GLRX3: variants seen among roughly 807,000 people sequenced by gnomAD.
The protein encoded by GLRX3 is glutaredoxin 3.
A neutral mutation model predicts 49.5 loss-of-function variants in GLRX3; 22 were observed. The observed-to-expected ratio is 0.44, with a 90% CI of 0.32 to 0.63. The LOEUF (loss-of-function observed/expected upper bound fraction) is 0.63. Among genes scored for constraint, GLRX3 ranks in the 30% least tolerant of loss-of-function variants. GLRX3 has a pLI of 0.05. For synonymous variants in GLRX3, 133 were observed against 140.0 expected (o/e 0.95, Z 0.35); for missense variants, 385 against 396.3 (o/e 0.97, Z 0.24).
intron 1 of GLRX3, among the ~76,000 whole-genome samples, chr10:130,144,465 C>G (rs984119789): frequency 6.6e-6 from 1 of 152,160 alleles, no homozygotes; most frequent in South Asian, 2.1e-4. Flanking sequence ...CCTTGCCCCC[C>G]ACCCCCTGAC....
intron 1 of GLRX3, among the ~76,000 whole-genome samples, chr10:130,143,290 T>G (rs183345419): frequency 1.3e-5 from 2 of 152,354 alleles, no homozygotes; most frequent in South Asian, 2.1e-4. Flanking sequence ...CAGTTTGTTA[T>G]TCCTTTCCTT....
At chr10:130,136,724 A>T (rs1050952772) in intron 1 of GLRX3, among the ~76,000 whole-genome samples, 8 of 152,152 alleles carry the variant, frequency 5.3e-5, no homozygotes, top group Admixed American at 2.0e-4. Context: ...AACAGCGAGC[A>T]GGGCGCGAGG....
At chr10:130,147,179 T>G (rs1862285919) in intron 2 of GLRX3, among the ~76,000 whole-genome samples, 1 of 152,194 alleles carries the variant, frequency 6.6e-6, no homozygotes, top group Admixed American at 6.5e-5. Context: ...ATGTCCAATA[T>G]AAATAATAGA....
chr10:130,153,175 A>C (rs1862412194), intron 2 of GLRX3, among the ~76,000 whole-genome samples: 1 of 152,022 alleles, frequency 6.6e-6, no homozygotes, highest in South Asian at 2.1e-4. Context: ...GCTCTTCTCT[A>C]CATTGATTAG....
intron 2 of GLRX3, 37 bp from the exon 3 acceptor site, chr10:130,159,958 C>A: frequency 7.2e-7 from 1 of 1,388,626 alleles, no homozygotes; most frequent in Non-Finnish European, 1.0e-6. Context: ...GAAAAAGGAC[C>A]TTGTAATAAT....
intron 6 of GLRX3, among the ~76,000 whole-genome samples, chr10:130,168,706 C>G (rs1187626096): frequency 6.6e-6 from 1 of 152,184 alleles, no homozygotes; most frequent in African/African-American, 2.4e-5. Flanking sequence ...CTCAGCCTCC[C>G]AAAGTGCTGG....
At chr10:130,159,760 T>C in intron 2 of GLRX3, 1 of 1,247,120 alleles carries the variant, frequency 8.0e-7, no homozygotes, top group Non-Finnish European at 1.0e-6. Context: ...CAGGCATCTT[T>C]TGAAATGTGC....
intron 10 of GLRX3, 35 bp downstream of exon 10, chr10:130,175,124 A>G (rs1862890640): frequency 5.0e-6 from 6 of 1,193,412 alleles, no homozygotes; most frequent in Non-Finnish European, 7.5e-6. Context: ...TAAAGAACGG[A>G]AAAGATTTTG....
intron 1 of GLRX3, among the ~76,000 whole-genome samples, chr10:130,140,537 T>TATAA (rs1051276850): frequency 1.3e-5 from 2 of 152,258 alleles, no homozygotes; most frequent in African/African-American, 4.8e-5. Flanking sequence ...AAATGTTTTA[T>TATAA]ATTTTTGTTT....
chr10:130,180,109 T>TG (rs1862996188), downstream of GLRX3: 1 of 151,830 alleles, frequency 6.6e-6, no homozygotes, highest in Non-Finnish European at 1.5e-5. Context: ...TTTTTTTTTT[T>TG]CAGACGGGGT....
At chr10:130,180,226 G>A (rs1335094494), downstream of GLRX3, 1 of 151,954 alleles carries the variant, frequency 6.6e-6, no homozygotes, top group Non-Finnish European at 1.5e-5. Flanking sequence ...TGAGTAGCTG[G>A]GACCACAGGC....
rs59275416 is a variant in GLRX3, at chr10:130,149,934, T to TA, written c.201+4634dup. Among the ~76,000 whole-genome samples the TA allele has an allele frequency of 6.5e-3, 860 of 132,130 alleles. 12 individuals carry two copies. The highest frequency in any genetic ancestry group is 0.046 in the East Asian group (212 of 4,602). 86.7% of individuals were successfully genotyped at this position (132,130 alleles called of 152,430 possible). On this transcript the variant is annotated intron_variant, in intron 2 of 10. Transcript: ENST00000331244. ...CTTTACCTCATCAGGTTTTCATTAG[T>TA]AAAAAAAAAAAAAAAAAAATAGGGC...
intron 1 of GLRX3, among the ~76,000 whole-genome samples, chr10:130,144,599 G>T (rs935735298): frequency 6.6e-6 from 1 of 152,018 alleles, no homozygotes; most frequent in Non-Finnish European, 1.5e-5. Context: ...GAGAATGGTG[G>T]CTTCCAGCTT....
chr10:130,151,850 C>T (rs2134887184), intron 2 of GLRX3, among the ~76,000 whole-genome samples: 1 of 152,234 alleles, frequency 6.6e-6, no homozygotes, highest in East Asian at 1.9e-4. Flanking sequence ...CTTGGTAGAT[C>T]TTCCTCCATC....
chr10:130,156,682 C>G (rs182713296), intron 2 of GLRX3, among the ~76,000 whole-genome samples: 105 of 152,248 alleles, frequency 6.9e-4, no homozygotes, highest in African/African-American at 2.4e-3. Context: ...ATCCGATGAC[C>G]CCTGCTCAAT....
chr10:130,136,646 C>T (rs1862058066), intron 1 of GLRX3, 134 bp downstream of exon 1: 3 of 1,089,584 alleles, frequency 2.8e-6, no homozygotes, highest in Non-Finnish European at 3.5e-6. Context: ...GGGACCGGGC[C>T]CGGCGCCACC....
Position 130,139,335 on chromosome 10 carries a change from G to A in GLRX3, c.92+2823G>A, listed in dbSNP as rs1433837605. Among the ~76,000 whole-genome samples, 12 of 150,398 alleles carry A rather than the reference G, an allele frequency of 8.0e-5. No individual in the cohort carries two copies. In the East Asian group the frequency reaches 2.4e-3, roughly 30 times the overall value. ...ACATTTCTGCAGCTTTTTTGGTGAAGATGGAGACATTTAAGAATATTAGGC... is the reference window on the plus strand; with the variant it reads ...ACATTTCTGCAGCTTTTTTGGTGAAAATGGAGACATTTAAGAATATTAGGC... On this transcript the variant is annotated intron_variant, in intron 1 of 10. Transcript: ENST00000331244.
At chr10:130,144,286 C>CTTTTTTTTT (rs111691897) in intron 1 of GLRX3, among the ~76,000 whole-genome samples, 1 of 116,238 alleles carries the variant, frequency 8.6e-6, no homozygotes, top group African/African-American at 3.2e-5. Context: ...ATTTGCCTGG[C>CTTTTTTTTT]TTTTTTTTTT....
At chr10:130,156,872 T>C (rs1428420005) in intron 2 of GLRX3, among the ~76,000 whole-genome samples, 3 of 152,246 alleles carry the variant, frequency 2.0e-5, no homozygotes, top group Non-Finnish European at 4.4e-5. Flanking sequence ...TTGGAAATGT[T>C]CATGTTTGGT....
Sources: allele counts gnomAD v4.1 joint callset (sites outside exome capture counted in the v4.1 genomes callset), GRCh38; gene constraint gnomAD v4.1.1; transcripts MANE v1.5; gene names NCBI Gene and HGNC (gene_info 2026-07-23, HGNC 2026-07-21).